SSUH2: variants seen among roughly 807,000 people sequenced by gnomAD.
The protein encoded by SSUH2 is ssu-2 homolog, also known as protein SSUH2 homolog.
In SSUH2, 47 loss-of-function variants were observed where a neutral mutation model predicts 55.3. The observed-to-expected ratio is 0.85, with a 90% confidence interval of 0.67 to 1.08. SSUH2 has a LOEUF of 1.08. Among genes scored for constraint, SSUH2 ranks in the 50% least tolerant of loss-of-function variants. SSUH2 has a pLI of 0.00. For synonymous variants in SSUH2, 212 were observed against 191.5 expected (o/e 1.11, Z -0.89); for missense variants, 535 against 490.7 (o/e 1.09, Z -0.85).
At chr3:8,676,440 A>G (rs764286634) in intron 3 of SSUH2, among the ~76,000 whole-genome samples, 2 of 150,754 alleles carry the variant, frequency 1.3e-5, no homozygotes, top group Non-Finnish European at 2.9e-5. Context: ...TGGGAAAAAT[A>G]TCCCTGGGGG....
chr3:8,679,313 A>G lies in SSUH2; in HGVS notation c.-901+392T>C, dbSNP rs1436316830. Among the ~76,000 whole-genome samples the G allele has an allele frequency of 7.7e-5, 4 of 51,764 alleles. No individual in the cohort carries two copies. In the East Asian group the frequency reaches 1.9e-3, roughly 25 times the overall value. 34.0% of individuals were successfully genotyped at this position (51,764 alleles called of 152,430 possible). A position where few individuals can be genotyped will look rare whatever the true frequency, so the allele number is the denominator to read the frequency against. On this transcript the variant is annotated intron_variant, in intron 2 of 18. Transcript: ENST00000317371. Reference sequence around the variant, plus strand: ...GGGAGCCACCCCCCATGAGGCGGGGACTAAGAGCCAGCCCCTCTTCCCGCC... The same window carrying G: ...GGGAGCCACCCCCCATGAGGCGGGGGCTAAGAGCCAGCCCCTCTTCCCGCC...
At position 8,619,781 on chromosome 3, in the gene SSUH2, T is replaced by C; in HGVS notation, c.*87A>G. The stretch of plus-strand genomic sequence containing the variant: ...CCAGGGTTTGTATGTGATTGTCCAA[T>C]GCAGCCAACAGTGAACACACTCAGA... On this transcript the variant is annotated 3_prime_UTR_variant, in exon 12 of 12. Coordinates refer to ENST00000544814, the MANE Select transcript of SSUH2 (RefSeq NM_001256748.3). 2.0e-6 allele frequency: 3 copies of C among 1,494,472 alleles called. No homozygotes were observed. In the South Asian group the frequency reaches 3.9e-5, roughly 19 times the overall value. 92.6% of individuals were successfully genotyped at this position (1,494,472 alleles called of 1,614,324 possible).
At chr3:8,649,069 T>C (rs1341253405), upstream of SSUH2, among the ~76,000 whole-genome samples, 2 of 152,106 alleles carry the variant, frequency 1.3e-5, no homozygotes, top group Non-Finnish European at 2.9e-5. Flanking sequence ...CCTCCAACAA[T>C]GGGCAAGACC....
intron 5 of SSUH2, among the ~76,000 whole-genome samples, chr3:8,670,611 G>A (rs942816209): frequency 6.6e-6 from 1 of 152,084 alleles, no homozygotes; most frequent in African/African-American, 2.4e-5. Context: ...ATGACAGGGA[G>A]TACATGCCGT....
chr3:8,635,155 C>T (rs1699702626), intron 3 of SSUH2, 145 bp downstream of exon 3: 6 of 635,310 alleles, frequency 9.4e-6, no homozygotes, highest in Non-Finnish European at 1.6e-5. Flanking sequence ...TCCCTAAGCC[C>T]CATCCCTGGA....
intron 8 of SSUH2, chr3:8,627,089 T>C (rs1697744339): frequency 6.6e-6 from 1 of 152,286 alleles, no homozygotes; most frequent in African/African-American, 2.4e-5. Flanking sequence ...GCCTGGGCTT[T>C]AATGAGGCAA....
Position 8,677,653 on chromosome 3 carries a change from C to T in SSUH2, c.-900-300G>A, listed in dbSNP as rs996359909. 5.2e-4 allele frequency among the ~76,000 whole-genome samples: 78 copies of T among 151,040 alleles called. 4 individuals are homozygous for T. The highest frequency in any genetic ancestry group is 1.8e-3 in the African/African-American group (73 of 41,178). On this transcript the variant is annotated intron_variant, in intron 2 of 18. Coordinates refer to the SSUH2 transcript ENST00000317371. ...CAAACTGTGGGGCCCTGGCTGAGGC[C>T]GGTGGCCTACGTCTCTAAACAACTA...
At chr3:8,630,961 C>A in intron 5 of SSUH2, 32 bp from the exon 6 acceptor site, 1 of 1,346,560 alleles carries the variant, frequency 7.4e-7, no homozygotes, top group Non-Finnish European at 9.6e-7. Flanking sequence ...GTAAGAATGA[C>A]GAAGGGCAGC....
At chr3:8,634,198 C>T (rs1290610745) in intron 3 of SSUH2, 1 of 590,780 alleles carries the variant, frequency 1.7e-6, no homozygotes, top group Non-Finnish European at 2.8e-6. Context: ...GGTACCTTGA[C>T]CTTAGCCAGA....
At chr3:8,647,739 A>G (rs1056401548), upstream of SSUH2, among the ~76,000 whole-genome samples, 6 of 152,186 alleles carry the variant, frequency 3.9e-5, no homozygotes, top group African/African-American at 1.4e-4. Context: ...TCGGGCCCTC[A>G]CAACCCAACC....
upstream of SSUH2, chr3:8,644,924 C>T (rs1430546778): frequency 1.2e-5 from 8 of 661,994 alleles, no homozygotes; most frequent in Non-Finnish European, 2.2e-5. Flanking sequence ...AGCTGCTCTG[C>T]ACCCAATCCA....
chr3:8,656,810 A>T (rs1328415572), intron 7 of SSUH2, among the ~76,000 whole-genome samples: 2 of 152,158 alleles, frequency 1.3e-5, no homozygotes, highest in Admixed American at 1.3e-4. Context: ...TCTGGCTCCC[A>T]CGATGAGTCT....
At chr3:8,659,460 C>A (rs1458959628) in intron 6 of SSUH2, 1 of 197,680 alleles carries the variant, frequency 5.1e-6, no homozygotes, top group African/African-American at 2.4e-5. Flanking sequence ...TCCCCCTGCC[C>A]AGAGCAGAGT....
intron 10 of SSUH2, among the ~76,000 whole-genome samples, chr3:8,624,917 C>A (rs1472055520): frequency 5.9e-5 from 9 of 152,130 alleles, no homozygotes; most frequent in Non-Finnish European, 1.2e-4. Context: ...TCCCACGCCA[C>A]AAGGTCCACT....
At chr3:8,660,438 A>C (rs411847) in intron 6 of SSUH2, among the ~76,000 whole-genome samples, 109,918 of 152,098 alleles carry the variant, frequency 0.72, 39,824 homozygotes, top group East Asian at 0.85. Context: ...AGGGTTAAGA[A>C]GAAAAGAACA....
chr3:8,680,044 C>A (rs1451043193), intron 1 of SSUH2, among the ~76,000 whole-genome samples: 1 of 152,088 alleles, frequency 6.6e-6, no homozygotes, highest in Admixed American at 6.5e-5. Context: ...GCAGCCCCAG[C>A]CCTGGGGCTA....
At chr3:8,628,654 G>A (rs1373291016) in intron 7 of SSUH2, among the ~76,000 whole-genome samples, 1 of 152,234 alleles carries the variant, frequency 6.6e-6, no homozygotes, top group Non-Finnish European at 1.5e-5. Flanking sequence ...AAGGCTGGGT[G>A]ACAAGGCAGG....
chr3:8,676,899 A>G (rs1705381522), intron 3 of SSUH2, among the ~76,000 whole-genome samples: 1 of 142,460 alleles, frequency 7.0e-6, no homozygotes, highest in Non-Finnish European at 1.5e-5. Flanking sequence ...GGGGACAGAG[A>G]GCCAGCCCCT....
upstream of SSUH2, among the ~76,000 whole-genome samples, chr3:8,646,118 A>T (rs1673369220): frequency 6.6e-6 from 1 of 152,136 alleles, no homozygotes; most frequent in South Asian, 2.1e-4. Context: ...AATTGTCCCC[A>T]TGGTAAATGG....
Sources: gnomAD v4.1 joint callset for allele counts (sites outside exome capture counted in the v4.1 genomes callset) on GRCh38, gnomAD v4.1.1 for gene constraint, MANE v1.5 for transcripts, NCBI Gene and HGNC (gene_info 2026-07-23, HGNC 2026-07-21) for gene names.